Variants in PPFIA2 observed in about 807,000 individuals in gnomAD.
PPFIA2 encodes liprin-alpha-2.
PPFIA2 carries 46 observed loss-of-function variants against 175.5 expected under a neutral mutation model. The observed-to-expected ratio is 0.26, with a 90% CI of 0.21 to 0.34. PPFIA2 has a LOEUF of 0.34. Ranked by LOEUF, PPFIA2 falls within the 10% of genes least tolerant of loss-of-function variation. The pLI, the probability that PPFIA2 is intolerant of heterozygous loss-of-function variation, is 1.00. For synonymous variants in PPFIA2, 568 were observed against 511.4 expected, an observed-to-expected ratio of 1.11 and a Z score of -1.49; for missense variants, 1,179 against 1,506.1, an observed-to-expected ratio of 0.78 and a Z score of 3.60.
At chr12:81,724,572 A>G (rs2079794371) in intron 3 of PPFIA2, among the ~76,000 whole-genome samples, 1 of 150,978 alleles carries the variant, frequency 6.6e-6, no homozygotes, top group Admixed American at 6.6e-5. Flanking sequence ...AATTGAGAAC[A>G]TTCGACTTTC....
chr12:81,305,936 G>T (rs1011387809), intron 22 of PPFIA2, among the ~76,000 whole-genome samples: 6 of 152,212 alleles, frequency 3.9e-5, no homozygotes, highest in African/African-American at 7.2e-5. Flanking sequence ...TTCCTACTGT[G>T]GATGGTTTAT....
At position 81,493,765 on chromosome 12, in the gene PPFIA2, TA is replaced by T. The variant is rs1346019813; in HGVS notation, c.304-35900del. Among the ~76,000 whole-genome samples, 6 of 130,420 alleles carry T rather than the reference TA, an allele frequency of 4.6e-5. No individual in the cohort carries two copies. In the Admixed American group the frequency reaches 4.7e-4, roughly 10 times the overall value. The allele number at this position is 130,420 out of a possible 152,430, so 85.6% of individuals were successfully genotyped here. On this transcript the variant is annotated intron_variant, in intron 4 of 32. Transcript: ENST00000549396. ...GTGTGTGTGTGTGTCTATATATATA[TA>T]TATATATATATATATATATATACAC...
At chr12:81,379,777 CAA>C (rs1212965858) in intron 9 of PPFIA2, among the ~76,000 whole-genome samples, 2 of 151,806 alleles carry the variant, frequency 1.3e-5, no homozygotes, top group African/African-American at 4.8e-5. Flanking sequence ...TCTTTTTTGA[CAA>C]AGAAAAATTA....
intron 3 of PPFIA2, among the ~76,000 whole-genome samples, chr12:81,738,654 G>A (rs896337630): frequency 2.0e-4 from 30 of 151,330 alleles, no homozygotes; most frequent in Non-Finnish European, 1.5e-5. Context: ...CAATTCAAAT[G>A]GTGGCATGAA....
chr12:81,548,138 T>C (rs2067276178), intron 4 of PPFIA2, among the ~76,000 whole-genome samples: 1 of 152,174 alleles, frequency 6.6e-6, no homozygotes. Flanking sequence ...CCAAAGTCTA[T>C]ATAATCAAGA....
At chr12:81,568,985 G>A (rs913959486) in intron 4 of PPFIA2, among the ~76,000 whole-genome samples, 3 of 151,998 alleles carry the variant, frequency 2.0e-5, no homozygotes, top group Non-Finnish European at 2.9e-5. Flanking sequence ...GAAAATCACT[G>A]TTTTGATAAA....
At chr12:81,304,338 C>G (rs1045699450) in intron 22 of PPFIA2, among the ~76,000 whole-genome samples, 1 of 152,124 alleles carries the variant, frequency 6.6e-6, no homozygotes, top group Non-Finnish European at 1.5e-5. Flanking sequence ...CTACTATATG[C>G]CAAGTTTTGC....
intron 4 of PPFIA2, among the ~76,000 whole-genome samples, chr12:81,622,425 G>GT (rs113248413): frequency 2.0e-5 from 3 of 152,038 alleles, no homozygotes; most frequent in South Asian, 2.1e-4. Context: ...TAACTTTCAG[G>GT]TTTTTTTCCT....
At chr12:81,372,173 T>C (rs1257188705) in intron 11 of PPFIA2, among the ~76,000 whole-genome samples, 5 of 151,560 alleles carry the variant, frequency 3.3e-5, no homozygotes, top group Non-Finnish European at 7.4e-5. Context: ...CTCCTTAATA[T>C]GATATAGGAA....
chr12:81,565,972 T>C (rs562821485), intron 4 of PPFIA2, among the ~76,000 whole-genome samples: 1 of 152,172 alleles, frequency 6.6e-6, no homozygotes, highest in African/African-American at 2.4e-5. Flanking sequence ...CTGTCACATA[T>C]GTATATTTAC....
At chr12:81,404,877 C>A (rs188367053) in intron 8 of PPFIA2, among the ~76,000 whole-genome samples, 1 of 152,168 alleles carries the variant, frequency 6.6e-6, no homozygotes, top group African/African-American at 2.4e-5. Flanking sequence ...GCTTCTTAAT[C>A]GCTAGGTTTT....
At chr12:81,609,487 T>G (rs2060668036) in intron 4 of PPFIA2, among the ~76,000 whole-genome samples, 1 of 152,186 alleles carries the variant, frequency 6.6e-6, no homozygotes, top group Non-Finnish European at 1.5e-5. Flanking sequence ...TTAGAATGGT[T>G]AAGTCTCCTT....
chr12:81,416,932 A>T (rs759314098), intron 7 of PPFIA2, among the ~76,000 whole-genome samples: 3 of 151,794 alleles, frequency 2.0e-5, no homozygotes, highest in Non-Finnish European at 4.4e-5. Flanking sequence ...TGTGAATGAG[A>T]GCATTTGTTT....
intron 8 of PPFIA2, among the ~76,000 whole-genome samples, chr12:81,399,122 C>T (rs754591136): frequency 1.5e-4 from 23 of 151,760 alleles, no homozygotes; most frequent in Non-Finnish European, 3.1e-4. Context: ...CTTAACAGAT[C>T]GCACAAAACA....
chr12:81,460,239 G>T (rs368205212), intron 4 of PPFIA2, among the ~76,000 whole-genome samples: 25 of 151,996 alleles, frequency 1.6e-4, no homozygotes, highest in East Asian at 5.8e-4. Flanking sequence ...TCCTGATTGT[G>T]AGTAAGTTTG....
intron 4 of PPFIA2, among the ~76,000 whole-genome samples, chr12:81,473,334 G>A (rs767229149): frequency 4.6e-5 from 7 of 152,102 alleles, no homozygotes; most frequent in Admixed American, 6.5e-5. Context: ...GCTTGAACCC[G>A]GGAGGCGGAG....
At chr12:81,434,984 G>GA (rs1364182628) in intron 7 of PPFIA2, among the ~76,000 whole-genome samples, 1 of 151,796 alleles carries the variant, frequency 6.6e-6, no homozygotes, top group Non-Finnish European at 1.5e-5. Flanking sequence ...ATTTATATTT[G>GA]AAAAATATTG....
chr12:81,743,522 TAAAAA>T (rs66667057), intron 3 of PPFIA2, among the ~76,000 whole-genome samples: 1 of 145,118 alleles, frequency 6.9e-6, no homozygotes, highest in Non-Finnish European at 1.5e-5. Context: ...TAGCTTTTTT[TAAAAA>T]AAAAAGAGAA....
At chr12:81,432,188 A>T (rs371069042) in intron 7 of PPFIA2, among the ~76,000 whole-genome samples, 1 of 152,168 alleles carries the variant, frequency 6.6e-6, no homozygotes, top group African/African-American at 2.4e-5. Context: ...TTAATCAGCC[A>T]TTACCATCAT....
Sources: allele counts gnomAD v4.1 joint callset (sites outside exome capture counted in the v4.1 genomes callset), GRCh38; gene constraint gnomAD v4.1.1; transcripts MANE v1.5; gene names NCBI Gene and HGNC (gene_info 2026-07-23, HGNC 2026-07-21).